Variants in MYO15A observed in about 807,000 individuals in gnomAD.
MYO15A encodes the protein myosin XVA.
A neutral mutation model predicts 394.6 loss-of-function variants in MYO15A; 308 were observed. That is an observed-to-expected ratio of 0.78 (90% CI 0.71 to 0.86). The LOEUF (loss-of-function observed/expected upper bound fraction) is 0.86, where lower values mean the gene tolerates loss of function less well. Ranked by LOEUF, MYO15A falls within the 40% of genes least tolerant of loss-of-function variation. The pLI is 0.00. For synonymous variants in MYO15A, 1,957 were observed against 2,003.8 expected (o/e 0.98, Z 0.62); for missense variants, 4,606 against 4,799.1 (o/e 0.96, Z 1.19).
chr17:18,168,938 C>T (rs1416506827), intron 62 of MYO15A, among the ~76,000 whole-genome samples: 2 of 146,706 alleles, frequency 1.4e-5, no homozygotes, highest in Admixed American at 6.8e-5. Context: ...CCCGTATCTA[C>T]TAAAAAAATT....
rs759637197 is a variant in MYO15A, at chr17:18,171,639, C to T, written c.10084C>T (p.Arg3362Trp). ...TTTTTCCCCTTCCTCCGTACACAGG[C>T]GGGAAGTCCAGGAGTACATCCCAGC... ...AKDHFYLPSV[R>W]EVQEYIPAQL... is the part of the protein sequence containing the mutation. Residue 3362 changes from arginine to tryptophan, a missense_variant and splice_region_variant, in exon 63 of 66, where the codon CGG (arginine) becomes TGG (tryptophan). Physicochemically the swap from Arg to Trp is moderately radical, Grantham distance 101. Coordinates refer to ENST00000647165, the MANE Select transcript of MYO15A (RefSeq NM_016239.4). The T allele has an allele frequency of 1.6e-5, 26 of 1,613,806 alleles. No homozygotes were observed. The African/African-American group carries it at 2.1e-4, about 13-fold the overall frequency.
At chr17:18,110,577 C>T (rs2142219356) in intron 1 of MYO15A, 1 of 152,350 alleles carries the variant, frequency 6.6e-6, no homozygotes, top group Non-Finnish European at 1.5e-5. Context: ...CCCATGGCTT[C>T]CTCACTGTGG....
In MYO15A at chr17:18,136,663, A is replaced by G; in HGVS notation, c.4756A>G (p.Ile1586Val). Residue 1586 changes from isoleucine to valine, a missense_variant, in exon 15 of 66, where the codon ATC becomes GTC. By Grantham distance (29) the Ile-to-Val change is conservative (BLOSUM62 3). Around this residue, in one of 2 missense-constraint regions of MYO15A, gnomAD observed 2,776 missense variants for 3,109.3 expected, o/e 0.89. Transcript: ENST00000647165. Reference sequence around the variant, plus strand: ...AAGGCAGGACACACTGTCCATCGCCATCCTGGACATCTATGGTTTCGAGGT... The same window carrying G: ...AAGGCAGGACACACTGTCCATCGCCGTCCTGGACATCTATGGTTTCGAGGT... ...SPRQDTLSIA[I>V]LDIYGFEDLS... The G allele has an allele frequency of 1.2e-6, 2 of 1,610,908 alleles. No homozygotes were observed. Among genetic ancestry groups the G allele is most frequent in the Non-Finnish European group, 1.7e-6 (2 of 1,179,320 alleles).
Position 18,157,152 on chromosome 17 carries a change from A to G in MYO15A, c.8714-4A>G. The G allele has an allele frequency of 3.1e-6, 5 of 1,611,180 alleles. No homozygotes were observed. The highest frequency in any genetic ancestry group is 4.2e-6 in the Non-Finnish European group (5 of 1,178,648). Reference sequence around the variant, plus strand: ...GCAGATGCTGACCCGAGCCTGGCCCATAGGCTACAGTGCTGGCTGCGTGGT... The same window carrying G: ...GCAGATGCTGACCCGAGCCTGGCCCGTAGGCTACAGTGCTGGCTGCGTGGT... On this transcript the variant is annotated splice_region_variant and splice_polypyrimidine_tract_variant and intron_variant, in intron 49 of 65. Transcript: ENST00000647165.
In MYO15A at chr17:18,151,380, G is replaced by A. The variant is rs371142437; in HGVS notation, c.7655-15G>A. The A allele has an allele frequency of 5.9e-5, 95 of 1,613,996 alleles. No individual in the cohort carries two copies. Among genetic ancestry groups the A allele is most frequent in the Middle Eastern group, 1.6e-4 (1 of 6,084 alleles). On this transcript the variant is annotated splice_polypyrimidine_tract_variant and intron_variant, in intron 39 of 65. Coordinates refer to ENST00000647165, the MANE Select transcript of MYO15A (RefSeq NM_016239.4). The stretch of plus-strand genomic sequence containing the variant: ...TGTGGCCTCACCCTGTTCCCACCGC[G>A]CCCCTTGCCCACAGCTTCACCCTCC...
Position 18,156,934 on chromosome 17 carries a change from C to T in MYO15A, c.8602-20C>T. On this transcript the variant is annotated intron_variant, in intron 48 of 65. Coordinates refer to ENST00000647165, the MANE Select transcript of MYO15A (RefSeq NM_016239.4). ...GGGGTGATAGGGCTGTTGCCCTCAC[C>T]CTGCCTCTGGCTGACCCAGGACTCT... 1 of 1,611,396 alleles carries T rather than the reference C, an allele frequency of 6.2e-7. No homozygotes were observed. The highest frequency in any genetic ancestry group is 1.3e-5 in the African/African-American group (1 of 75,014).
intron 47 of MYO15A, chr17:18,155,867 C>G (rs2046666068): frequency 4.5e-6 from 2 of 442,690 alleles, no homozygotes; most frequent in Non-Finnish European, 8.4e-6. Context: ...TTAGGTAAAA[C>G]CTGCATGCTT....
At position 18,138,804 on chromosome 17, in the gene MYO15A, C is replaced by A; in HGVS notation, c.5008-7C>A. 2 of 1,613,430 alleles carry A rather than the reference C, an allele frequency of 1.2e-6. No individual in the cohort carries two copies. Among genetic ancestry groups the A allele is most frequent in the Non-Finnish European group, 1.7e-6 (2 of 1,179,778 alleles). On this transcript the variant is annotated splice_polypyrimidine_tract_variant and splice_region_variant and intron_variant, in intron 17 of 65. Coordinates refer to ENST00000647165, the MANE Select transcript of MYO15A (RefSeq NM_016239.4). ...TGCCCACCCACTGATCCCTAAATTG[C>A]CCCCAGGCTACAGACCACACCTTCC...
intron 56 of MYO15A, 89 bp downstream of exon 56, chr17:18,160,106 A>C: frequency 7.9e-7 from 1 of 1,268,902 alleles, no homozygotes; most frequent in Non-Finnish European, 1.1e-6. Context: ...CTCAGGCCTG[A>C]CCCCTCCTGG....
At chr17:18,169,576 G>T (rs928617691) in intron 62 of MYO15A, 4 of 152,160 alleles carry the variant, frequency 2.6e-5, no homozygotes, top group Admixed American at 6.5e-5. Flanking sequence ...GGCAGAGGTT[G>T]CAGTGAGCTG....
At chr17:18,149,134 G>T in intron 33 of MYO15A, 82 bp from the exon 34 acceptor site, 1 of 1,569,648 alleles carries the variant, frequency 6.4e-7, no homozygotes, top group East Asian at 2.3e-5. Context: ...GAAAGCCACT[G>T]AATACCAGGG....
At chr17:18,163,400 G>A (rs2046804630) in intron 59 of MYO15A, 79 bp downstream of exon 59, 2 of 1,411,780 alleles carry the variant, frequency 1.4e-6, no homozygotes, top group Non-Finnish European at 1.0e-6. Flanking sequence ...GATGGGGGTG[G>A]AGTAAGCCCC....
Position 18,152,253 on chromosome 17 carries a change from G to A in MYO15A, c.7966+69G>A, listed in dbSNP as rs534046839. ...TGAGGAAGTCTGTGGGCACAGGTGA[G>A]TGTGTCGGTGGAGTGTGTGTGTCTA... On this transcript the variant is annotated intron_variant, in intron 42 of 65. Transcript: ENST00000647165. 29 of 1,445,342 alleles carry A rather than the reference G, an allele frequency of 2.0e-5. No homozygotes were observed. In the South Asian group the frequency reaches 3.0e-4, roughly 15 times the overall value. 89.5% of individuals were successfully genotyped at this position (1,445,342 alleles called of 1,614,324 possible).
chr17:18,131,136 C>T, intron 8 of MYO15A, 103 bp from the exon 9 acceptor site: 5 of 1,074,672 alleles, frequency 4.7e-6, no homozygotes, highest in Non-Finnish European at 7.0e-6. Flanking sequence ...AAAGGGAGGT[C>T]CTTGGGAAGG....
At chr17:18,144,058 G>T in intron 28 of MYO15A, 58 bp downstream of exon 28, 1 of 1,610,216 alleles carries the variant, frequency 6.2e-7, no homozygotes, top group South Asian at 1.1e-5. Context: ...CAATTAGAAT[G>T]GACATTGTCC....
rs536539845 is a variant in MYO15A, at chr17:18,112,671, G to A, written c.-220+3847G>A. On this transcript the variant is annotated intron_variant, in intron 1 of 65. Transcript: ENST00000647165. ...GATCCACCTGCCTCGGCCTCCCGAA[G>A]TGCTGGGACTACAGGTGTGAGCCAG... 9.7e-4 allele frequency among the ~76,000 whole-genome samples: 148 copies of A among 152,240 alleles called. 1 individual carries two copies. The highest frequency in any genetic ancestry group is 3.3e-3 in the African/African-American group (136 of 41,518).
chr17:18,126,645 C>G (rs1385565281), intron 5 of MYO15A, 146 bp from the exon 6 acceptor site: 12 of 1,147,024 alleles, frequency 1.0e-5, no homozygotes, highest in Non-Finnish European at 1.3e-5. Context: ...GTCGTTCAGA[C>G]CAGGATGGGG....
In MYO15A at chr17:18,126,786, C is replaced by T; in HGVS notation, c.3867-5C>T. The T allele has an allele frequency of 6.2e-7, 1 of 1,614,062 alleles. No individual in the cohort carries two copies. Among genetic ancestry groups the T allele is most frequent in the South Asian group, 1.1e-5 (1 of 91,082 alleles). The stretch of plus-strand genomic sequence containing the variant: ...GGGGCCAGCTCTAATGACCTGTCTC[C>T]CCAGGCACCTCTTTGCTGTTGCAAA... On this transcript the variant is annotated splice_polypyrimidine_tract_variant and splice_region_variant and intron_variant, in intron 5 of 65. Transcript: ENST00000647165.
intron 4 of MYO15A, 87 bp from the exon 5 acceptor site, chr17:18,126,260 C>A: frequency 8.8e-7 from 1 of 1,136,768 alleles, no homozygotes; most frequent in Non-Finnish European, 1.3e-6. Flanking sequence ...CGGATGGAAA[C>A]AGGGAGCCAG....
Sources: allele counts gnomAD v4.1 joint callset (sites outside exome capture counted in the v4.1 genomes callset), GRCh38; gene constraint gnomAD v4.1.1; regional missense constraint gnomAD v4.1.1; transcripts MANE v1.5; gene names NCBI Gene and HGNC (gene_info 2026-07-23, HGNC 2026-07-21).